The following RALGAPB variants were observed in gnomAD, a reference collection of about 807,000 sequenced individuals.
RALGAPB encodes the protein Ral GTPase activating protein non-catalytic subunit beta.
Under a neutral mutation model 161.1 loss-of-function variants are expected in RALGAPB, and 25 were observed. The observed-to-expected ratio is 0.16, with a 90% CI of 0.11 to 0.22. RALGAPB has a LOEUF of 0.22. Among genes scored for constraint, RALGAPB ranks in the 10% least tolerant of loss-of-function variants. The pLI is 1.00. For synonymous variants in RALGAPB, 629 were observed against 626.1 expected, an observed-to-expected ratio of 1.00 and a Z score of -0.07; for missense variants, 1,391 against 1,815.2, an observed-to-expected ratio of 0.77 and a Z score of 4.25.
At position 38,526,033 on chromosome 20, in the gene RALGAPB, A is replaced by G. The variant is rs2086455479; in HGVS notation, c.2041A>G (p.Met681Val). 1.2e-6 allele frequency: 2 copies of G among 1,613,876 alleles called. No homozygotes were observed. The highest frequency in any genetic ancestry group is 2.2e-5 in the East Asian group (1 of 44,874). The change falls in exon 13 of 30, where the codon ATG becomes GTG. Residue 681 changes from methionine to valine, a missense_variant. Physicochemically the swap from Met to Val is conservative, Grantham distance 21. Around this residue, in one of 3 missense-constraint regions of RALGAPB, gnomAD observed 946 missense variants for 1,257.2 expected, o/e 0.75. Transcript: ENST00000262879. ...TGAAACGGACCCCAACAACACCCAA[A>G]TGATATTAGGTTTGTATTCACACGT... ...QTETDPNNTQ[M>V]ILGAMLNIVQ... is the part of the protein sequence containing the mutation.
chr20:38,571,566 A>G (rs2088241208), intron 28 of RALGAPB, among the ~76,000 whole-genome samples: 1 of 152,200 alleles, frequency 6.6e-6, no homozygotes, highest in Admixed American at 6.5e-5. Flanking sequence ...ATAATATTTC[A>G]TTGTATGTGT....
chr20:38,500,687 A>T (rs2085565297), intron 5 of RALGAPB, among the ~76,000 whole-genome samples: 1 of 152,248 alleles, frequency 6.6e-6, no homozygotes, highest in Non-Finnish European at 1.5e-5. Context: ...TTGAAAGCCA[A>T]AACAGGCTGA....
chr20:38,488,170 T>C (rs2085173458), intron 1 of RALGAPB, among the ~76,000 whole-genome samples: 1 of 152,248 alleles, frequency 6.6e-6, no homozygotes, highest in Non-Finnish European at 1.5e-5. Context: ...GTGATGCCTT[T>C]ATCATACATC....
chr20:38,485,533 C>T (rs1261705337), intron 1 of RALGAPB, among the ~76,000 whole-genome samples: 2 of 152,122 alleles, frequency 1.3e-5, no homozygotes, highest in Non-Finnish European at 2.9e-5. Context: ...GTTCAAGCCT[C>T]TCCTGCCTCA....
chr20:38,513,319 C>G (rs967250208), intron 6 of RALGAPB, among the ~76,000 whole-genome samples: 2 of 152,062 alleles, frequency 1.3e-5, no homozygotes, highest in Non-Finnish European at 2.9e-5. Context: ...GCCTGGCCAA[C>G]ATGGTGAAAC....
intron 1 of RALGAPB, among the ~76,000 whole-genome samples, chr20:38,485,619 G>T (rs1424695825): frequency 6.6e-6 from 1 of 152,086 alleles, no homozygotes; most frequent in Non-Finnish European, 1.5e-5. Flanking sequence ...TAGAGACGGG[G>T]TTTTGCCCTG....
chr20:38,482,824 G>A (rs2085009895), intron 1 of RALGAPB, among the ~76,000 whole-genome samples: 1 of 152,094 alleles, frequency 6.6e-6, no homozygotes, highest in South Asian at 2.1e-4. Context: ...TGTTTCAAAC[G>A]GATTACATAT....
At chr20:38,550,895 CAG>C (rs1464437796) in intron 20 of RALGAPB, among the ~76,000 whole-genome samples, 174 bp from the exon 21 acceptor site, 1 of 152,156 alleles carries the variant, frequency 6.6e-6, no homozygotes, top group East Asian at 1.9e-4. Flanking sequence ...ATAGAGTACA[CAG>C]GGGCACAGGC....
intron 18 of RALGAPB, among the ~76,000 whole-genome samples, chr20:38,544,668 A>G (rs1486789693): frequency 6.6e-6 from 1 of 152,084 alleles, no homozygotes; most frequent in East Asian, 1.9e-4. Context: ...GAGTTTTGCC[A>G]TGTTGGCCAA....
At position 38,578,536 on chromosome 20, in the gene RALGAPB, G is replaced by T. The variant is rs184035413; in HGVS notation, c.*3569G>T. The T allele has an allele frequency of 2.0e-5, 3 of 152,718 alleles. No individual in the cohort carries two copies. The highest frequency in any genetic ancestry group is 1.3e-4 in the Admixed American group (2 of 15,300). 9.5% of individuals were successfully genotyped at this position (152,718 alleles called of 1,614,324 possible). ...TCTTTCTCCTCTGAAGGGCTTGGCA[G>T]TTGTGGCTAAAAAATAAGCAGTATC... On this transcript the variant is annotated 3_prime_UTR_variant, in exon 30 of 30. Transcript: ENST00000262879.
chr20:38,508,399 C>T (rs1190941295), intron 5 of RALGAPB, among the ~76,000 whole-genome samples: 1 of 151,790 alleles, frequency 6.6e-6, no homozygotes, highest in Non-Finnish European at 1.5e-5. Context: ...AGAAGAGATG[C>T]AAGGAAAAAC....
At chr20:38,479,838 G>A (rs888068276) in intron 1 of RALGAPB, among the ~76,000 whole-genome samples, 4 of 151,946 alleles carry the variant, frequency 2.6e-5, no homozygotes, top group Non-Finnish European at 5.9e-5. Flanking sequence ...CCCCCTGACC[G>A]CCCTCAACCT....
rs549733086 is a variant in RALGAPB, at chr20:38,507,782, C to T, written c.741-1295C>T. The stretch of plus-strand genomic sequence containing the variant: ...GCGCAGTCATGGCTCATTGTAGCCT[C>T]GAACTCCTGACCTCAAGCAATCCTC... On this transcript the variant is annotated intron_variant, in intron 5 of 29. Coordinates refer to ENST00000262879, the MANE Select transcript of RALGAPB (RefSeq NM_020336.4). 8.4e-4 allele frequency among the ~76,000 whole-genome samples: 128 copies of T among 151,976 alleles called. 1 individual carries two copies. The highest frequency in any genetic ancestry group is 2.9e-3 in the African/African-American group (121 of 41,416).
At position 38,533,077 on chromosome 20, in the gene RALGAPB, T is replaced by C. The variant is rs937104656; in HGVS notation, c.2245+218T>C. Among the ~76,000 whole-genome samples the C allele has an allele frequency of 1.2e-4, 19 of 152,114 alleles. 1 individual carries two copies. The highest frequency in any genetic ancestry group is 1.2e-3 in the Admixed American group (18 of 15,270). On this transcript the variant is annotated intron_variant, in intron 15 of 29. Transcript: ENST00000262879. ...ATTAGATTTGGGGTAGTATATTAGGTTTTATAATTGATAGTAATGGGTGAT... is the reference window on the plus strand; with the variant it reads ...ATTAGATTTGGGGTAGTATATTAGGCTTTATAATTGATAGTAATGGGTGAT...
chr20:38,522,328 C>T (rs1350046458), intron 10 of RALGAPB, among the ~76,000 whole-genome samples: 1 of 152,230 alleles, frequency 6.6e-6, no homozygotes, highest in Admixed American at 6.5e-5. Context: ...ATGCCTCTGC[C>T]ATCCATTCAG....
intron 25 of RALGAPB, 23 bp downstream of exon 25, chr20:38,565,501 C>A: frequency 6.2e-7 from 1 of 1,609,680 alleles, no homozygotes; most frequent in Non-Finnish European, 8.5e-7. Flanking sequence ...TTGCATGGTC[C>A]TGTTTTAGGA....
Position 38,524,920 on chromosome 20 carries a change from G to T in RALGAPB, c.1762G>T (p.Ala588Ser), listed in dbSNP as rs1202857644. Residue 588 changes from alanine (A) to serine (S), a missense_variant, in exon 11 of 30, where the codon GCT becomes TCT. Physicochemically the swap from Ala to Ser is moderately conservative, Grantham distance 99. Around this residue, in one of 3 missense-constraint regions of RALGAPB, gnomAD observed 946 missense variants for 1,257.2 expected, o/e 0.75. Transcript: ENST00000262879. ...TGTTGTGGTTCCTTACTTTATTTCA[G>T]CTCTTGAAACCATTTTGCCTGACAG... is the stretch of plus-strand genomic sequence containing the variant. ...IDVVVPYFISALETILPDREL... is the reference protein window; with the variant it reads ...IDVVVPYFISSLETILPDREL... The T allele has an allele frequency of 6.2e-7, 1 of 1,611,172 alleles. No individual in the cohort carries two copies. Among genetic ancestry groups the T allele is most frequent in the Admixed American group, 1.7e-5 (1 of 60,000 alleles).
At chr20:38,473,948 G>C (rs1164970676) in intron 1 of RALGAPB, among the ~76,000 whole-genome samples, 1 of 152,178 alleles carries the variant, frequency 6.6e-6, no homozygotes, top group Non-Finnish European at 1.5e-5. Context: ...TCCAGCTTAA[G>C]TGTGCAGGAG....
chr20:38,541,139 G>T lies in RALGAPB; in HGVS notation c.2661G>T (p.Glu887Asp), dbSNP rs777789599. The T allele has an allele frequency of 5.6e-6, 9 of 1,614,020 alleles. No homozygotes were observed. The highest frequency in any genetic ancestry group is 1.3e-5 in the African/African-American group (1 of 74,910). ...AGGTCAAGTACAAAGGAGATAAGGA[G>T]CCAAACCCTGCATCTATGAGGGTAA... is the stretch of plus-strand genomic sequence containing the variant. ...EQEVKYKGDK[E>D]PNPASMRVKD... Residue 887 changes from glutamate to aspartate, a missense_variant, in exon 18 of 30, where the codon GAG becomes GAT. Coordinates refer to ENST00000262879, the MANE Select transcript of RALGAPB (RefSeq NM_020336.4).
Sources: allele counts gnomAD v4.1 joint callset (sites outside exome capture counted in the v4.1 genomes callset), GRCh38; gene constraint gnomAD v4.1.1; regional missense constraint gnomAD v4.1.1; transcripts MANE v1.5; gene names NCBI Gene and HGNC (gene_info 2026-07-23, HGNC 2026-07-21).